The following PLCG2 variants were observed in gnomAD, a reference collection of about 807,000 sequenced individuals.
PLCG2 encodes the protein 1-phosphatidylinositol 4,5-bisphosphate phosphodiesterase gamma-2.
PLCG2 carries 69 observed loss-of-function variants against 175.6 expected under a neutral mutation model. The observed-to-expected ratio is 0.39, with a 90% confidence interval of 0.32 to 0.48. The LOEUF is 0.48. Ranked by LOEUF, PLCG2 falls within the 20% of genes least tolerant of loss-of-function variation. PLCG2 has a pLI of 0.91. For synonymous variants in PLCG2, 827 were observed against 624.0 expected (o/e 1.33, Z -4.85); for missense variants, 1,798 against 1,650.9 (o/e 1.09, Z -1.54).
At chr16:81,788,756 C>T (rs973804986) in intron 2 of PLCG2, among the ~76,000 whole-genome samples, 2 of 152,316 alleles carry the variant, frequency 1.3e-5, no homozygotes, top group East Asian at 1.9e-4. Flanking sequence ...CAGTGGGTCT[C>T]TTGTGGCACA....
At chr16:81,756,211 C>A (rs1370235920) in intron 2 of PLCG2, among the ~76,000 whole-genome samples, 2 of 152,230 alleles carry the variant, frequency 1.3e-5, no homozygotes, top group East Asian at 3.9e-4. Flanking sequence ...AATGGATGGG[C>A]CACATTTCCC....
At chr16:81,803,267 C>G (rs533876743) in intron 2 of PLCG2, among the ~76,000 whole-genome samples, 1 of 151,800 alleles carries the variant, frequency 6.6e-6, no homozygotes, top group Admixed American at 6.6e-5. Flanking sequence ...TACAGGTGCC[C>G]ACCACCACGC....
intron 9 of PLCG2, among the ~76,000 whole-genome samples, chr16:81,884,114 G>A (rs1417847651): frequency 6.6e-6 from 1 of 152,214 alleles, no homozygotes; most frequent in Non-Finnish European, 1.5e-5. Flanking sequence ...ACTTTGGGAG[G>A]CCGAGGCGGG....
intron 14 of PLCG2, among the ~76,000 whole-genome samples, chr16:81,904,435 A>AT (rs2143640587): frequency 6.6e-6 from 1 of 152,324 alleles, no homozygotes; most frequent in South Asian, 2.1e-4. Context: ...TCCAGGTGTC[A>AT]TCACTGTCTT....
At position 81,760,398 on chromosome 16, in the gene PLCG2, C is replaced by G. The variant is rs1218303810; in HGVS notation, c.-48+4432C>G. 2.0e-5 allele frequency among the ~76,000 whole-genome samples: 3 copies of G among 152,292 alleles called. No individual in the cohort carries two copies. The East Asian group carries it at 5.8e-4, about 29-fold the overall frequency. ...CCTTTGCCAGATATGTACCCTCTGA[C>G]ACCTGCTTCTCTTGTTGGTGGCTTT... On this transcript the variant is annotated intron_variant, in intron 2 of 5. Transcript: ENST00000565054.
rs778265649 is a variant in PLCG2, at chr16:81,910,668, G to C, written c.1882G>C (p.Glu628Gln). Residue 628 changes from glutamate (E) to glutamine (Q), a missense_variant, in exon 18 of 33, where the codon GAG becomes CAG. Glu to Gln is a conservative substitution (Grantham distance 29, BLOSUM62 2). Transcript: ENST00000564138. ...GACGCACCTGCGCTGCGCCGAGTTC[G>C]AGCTGCGGCTCACGGACCCTGTGCC... ...RETHLRCAEFELRLTDPVPNP... is the reference protein window; with the variant it reads ...RETHLRCAEFQLRLTDPVPNP... 94 of 1,613,202 alleles carry C rather than the reference G, an allele frequency of 5.8e-5. No homozygotes were observed. The highest frequency in any genetic ancestry group is 7.7e-5 in the Non-Finnish European group (91 of 1,180,018).
chr16:81,927,674 T>C (rs564687493), intron 23 of PLCG2, among the ~76,000 whole-genome samples: 1 of 152,272 alleles, frequency 6.6e-6, no homozygotes, highest in Middle Eastern at 3.4e-3. Flanking sequence ...CCAAGGATGA[T>C]ATCTTTGTAA....
chr16:81,840,201 G>A (rs1326451164), intron 2 of PLCG2, among the ~76,000 whole-genome samples: 2 of 152,208 alleles, frequency 1.3e-5, no homozygotes, highest in East Asian at 3.8e-4. Context: ...CGATGAGATG[G>A]CTGCCTGGAG....
chr16:81,919,737 A>T, intron 20 of PLCG2, 73 bp downstream of exon 20: 3 of 1,309,510 alleles, frequency 2.3e-6, no homozygotes, highest in South Asian at 1.3e-5. Context: ...TCATGAATTC[A>T]GCAAACCTCT....
At chr16:81,750,450 C>T (rs1472865336) in intron 1 of PLCG2, among the ~76,000 whole-genome samples, 1 of 147,578 alleles carries the variant, frequency 6.8e-6, no homozygotes, top group Non-Finnish European at 1.5e-5. Flanking sequence ...AAATCCAGCA[C>T]AGCAATCCCA....
At chr16:81,942,799 T>C (rs374312954) in intron 30 of PLCG2, among the ~76,000 whole-genome samples, 2 of 152,194 alleles carry the variant, frequency 1.3e-5, no homozygotes, top group African/African-American at 2.4e-5. Context: ...GTGTTCCTCC[T>C]CTGCAGGCTG....
At chr16:81,885,041 C>G (rs990700440) in intron 9 of PLCG2, among the ~76,000 whole-genome samples, 1 of 138,074 alleles carries the variant, frequency 7.2e-6, no homozygotes, top group Non-Finnish European at 1.5e-5. Flanking sequence ...GTATGTGCCA[C>G]CATGCCTGAC....
intron 2 of PLCG2, among the ~76,000 whole-genome samples, chr16:81,806,572 G>A (rs1432237498): frequency 1.3e-5 from 2 of 152,106 alleles, no homozygotes; most frequent in Non-Finnish European, 2.9e-5. Flanking sequence ...ACCATTGAGA[G>A]TAGGAGTCTG....
chr16:81,837,904 C>G (rs1179168601), intron 2 of PLCG2, among the ~76,000 whole-genome samples: 1 of 152,114 alleles, frequency 6.6e-6, no homozygotes, highest in Non-Finnish European at 1.5e-5. Context: ...CACTACCAGT[C>G]TTATTCAGAT....
intron 3 of PLCG2, among the ~76,000 whole-genome samples, chr16:81,857,692 C>G (rs1368071611): frequency 6.6e-6 from 1 of 152,180 alleles, no homozygotes; most frequent in Non-Finnish European, 1.5e-5. Flanking sequence ...ACTCTCATTA[C>G]TTCATCTAAA....
intron 30 of PLCG2, among the ~76,000 whole-genome samples, chr16:81,941,375 A>T (rs1910932278): frequency 6.6e-6 from 1 of 152,204 alleles, no homozygotes; most frequent in African/African-American, 2.4e-5. Flanking sequence ...GACCCACCAC[A>T]GGGTGATGAG....
intron 1 of PLCG2, among the ~76,000 whole-genome samples, chr16:81,752,360 A>C (rs2143068297): frequency 6.6e-6 from 1 of 152,304 alleles, no homozygotes; most frequent in East Asian, 1.9e-4. Context: ...ACTCTGCCTG[A>C]CAGGGAGGGG....
intron 2 of PLCG2, among the ~76,000 whole-genome samples, chr16:81,830,030 A>G (rs1426809858): frequency 1.3e-5 from 2 of 151,952 alleles, no homozygotes; most frequent in East Asian, 1.9e-4. Context: ...GATTAAATAT[A>G]TAATAGTGGC....
At chr16:81,924,323 A>G (rs1179595406) in intron 22 of PLCG2, among the ~76,000 whole-genome samples, 1 of 152,278 alleles carries the variant, frequency 6.6e-6, no homozygotes. Flanking sequence ...GCCTCCCACA[A>G]GATAACTGGA....
Sources: gnomAD v4.1 joint callset for allele counts (sites outside exome capture counted in the v4.1 genomes callset) on GRCh38, gnomAD v4.1.1 for gene constraint, MANE v1.5 for transcripts, NCBI Gene and HGNC (gene_info 2026-07-23, HGNC 2026-07-21) for gene names.